The following SUPT7L variants were observed in gnomAD, a reference collection of about 807,000 sequenced individuals.
SUPT7L encodes SPT7 like, STAGA complex subunit gamma.
Under a neutral mutation model 35.7 loss-of-function variants are expected in SUPT7L, and 15 were observed. That is an observed-to-expected ratio of 0.42 (90% CI 0.28 to 0.65). The LOEUF (loss-of-function observed/expected upper bound fraction) is 0.65, where lower values mean the gene tolerates loss of function less well. SUPT7L is among the 30% of genes least tolerant of loss of function. SUPT7L has a pLI of 0.23. For synonymous variants in SUPT7L, 168 were observed against 186.2 expected, an observed-to-expected ratio of 0.90 and a Z score of 0.79; for missense variants, 434 against 522.2, an observed-to-expected ratio of 0.83 and a Z score of 1.65.
At chr2:27,642,958 T>TACACACACACACACACACAC in the SUPT7L span, among the ~76,000 whole-genome samples, 6 of 122,656 alleles carry the variant, frequency 4.9e-5, no homozygotes, top group South Asian at 5.6e-4. Context: ...TATATATATA[T>TACACACACACACACACACAC]ACACACACAC....
At position 27,653,320 on chromosome 2, in the gene SUPT7L, T is replaced by G. The variant is rs937404273; in HGVS notation, c.*165A>C. ...AAACTATAAAAACTGGATGCAAAAGTAAAATGCAACCTTGTTTGGTGACGT... is the reference window on the plus strand; with the variant it reads ...AAACTATAAAAACTGGATGCAAAAGGAAAATGCAACCTTGTTTGGTGACGT... On this transcript the variant is annotated 3_prime_UTR_variant, in exon 6 of 6. Transcript: ENST00000337768. The G allele has an allele frequency of 1.0e-4, 104 of 1,018,406 alleles. No individual in the cohort carries two copies. The highest frequency in any genetic ancestry group is 1.4e-4 in the Non-Finnish European group (100 of 716,344). The allele number at this position is 1,018,406 out of a possible 1,614,324, so 63.1% of individuals were successfully genotyped here.
At chr2:27,647,804 A>G, downstream of SUPT7L, 1 of 1,228,304 alleles carries the variant, frequency 8.1e-7, no homozygotes, top group Non-Finnish European at 1.2e-6. Context: ...CTTTTTGAGG[A>G]GGCATATCAC....
At chr2:27,645,866 A>C (rs1674202596), downstream of SUPT7L, among the ~76,000 whole-genome samples, 1 of 151,680 alleles carries the variant, frequency 6.6e-6, no homozygotes, top group Admixed American at 6.6e-5. Flanking sequence ...AGTAGCTGGA[A>C]CTAGAGGTGC....
downstream of SUPT7L, among the ~76,000 whole-genome samples, chr2:27,646,257 G>T (rs552973357): frequency 2.6e-5 from 4 of 152,244 alleles, no homozygotes; most frequent in Non-Finnish European, 5.9e-5. Flanking sequence ...GGCCAGGCTG[G>T]TCTTGAACTC....
the SUPT7L span, chr2:27,642,608 C>A: frequency 1.2e-6 from 1 of 813,376 alleles, no homozygotes; most frequent in Non-Finnish European, 2.0e-6. Context: ...CGGAGTTTCA[C>A]TCTTGTTGCC....
At chr2:27,647,584 G>A (rs1273129512), downstream of SUPT7L, among the ~76,000 whole-genome samples, 1 of 152,144 alleles carries the variant, frequency 6.6e-6, no homozygotes, top group Non-Finnish European at 1.5e-5. Context: ...AGTAAGACAA[G>A]CTTCTTGAAA....
Position 27,661,162 on chromosome 2 carries a change from C to G in SUPT7L, c.241G>C (p.Ala81Pro). The stretch of plus-strand genomic sequence containing the variant: ...TGCTGATTCTGGGCCTGAGCTGTGG[C>G]AATAAGGTTGCGAAGACGTCGGTTG... ...QHNRRLRNLI[A>P]TAQAQNQQQT... Residue 81 changes from alanine (A) to proline (P), a missense_variant, in exon 3 of 6, where the codon GCC (alanine) becomes CCC (proline). This residue lies in a region of SUPT7L where 77 missense variants were observed against 114.4 expected (regional missense o/e 0.67). Coordinates refer to ENST00000337768, the MANE Select transcript of SUPT7L (RefSeq NM_014860.3). The G allele has an allele frequency of 1.9e-6, 3 of 1,614,070 alleles. No homozygotes were observed. Among genetic ancestry groups the G allele is most frequent in the Non-Finnish European group, 2.5e-6 (3 of 1,180,036 alleles).
At chr2:27,655,939 C>T (rs902700622) in intron 4 of SUPT7L, among the ~76,000 whole-genome samples, 1 of 151,664 alleles carries the variant, frequency 6.6e-6, no homozygotes, top group African/African-American at 2.4e-5. Context: ...CATCCCAGTA[C>T]TTTGGGAGGC....
Position 27,663,438 on chromosome 2 carries a change from T to A in SUPT7L, c.-199A>T. 3.1e-6 allele frequency: 1 copy of A among 323,012 alleles called. No individual in the cohort carries two copies. Among genetic ancestry groups the A allele is most frequent in the South Asian group, 3.1e-5 (1 of 32,460 alleles). 20.0% of individuals were successfully genotyped at this position (323,012 alleles called of 1,614,324 possible). Reference sequence around the variant, plus strand: ...AGGCGCCAATCACAGGGTCCTGAGGTCGCCTGACGTTCAGGGCAGCCGGAA... The same window carrying A: ...AGGCGCCAATCACAGGGTCCTGAGGACGCCTGACGTTCAGGGCAGCCGGAA... On this transcript the variant is annotated 5_prime_UTR_variant, in exon 1 of 6. Coordinates refer to ENST00000337768, the MANE Select transcript of SUPT7L (RefSeq NM_014860.3).
chr2:27,655,696 G>A, intron 4 of SUPT7L, 94 bp from the exon 5 acceptor site: 1 of 1,078,588 alleles, frequency 9.3e-7, no homozygotes, highest in East Asian at 2.4e-5. Flanking sequence ...AACAGAACAT[G>A]AATAACAGAA....
At chr2:27,644,754 T>C in the SUPT7L span, among the ~76,000 whole-genome samples, 1 of 129,844 alleles carries the variant, frequency 7.7e-6, no homozygotes, top group Non-Finnish European at 1.6e-5. Flanking sequence ...ACAGATGAGG[T>C]CTGAGGCTGG....
intron 5 of SUPT7L, among the ~76,000 whole-genome samples, chr2:27,653,998 A>G (rs186771589): frequency 9.2e-5 from 14 of 151,786 alleles, no homozygotes; most frequent in African/African-American, 3.4e-4. Flanking sequence ...ACCCACCCCC[A>G]TTTCCCCTAA....
chr2:27,645,065 T>G, the SUPT7L span, among the ~76,000 whole-genome samples: 1 of 152,180 alleles, frequency 6.6e-6, no homozygotes, highest in African/African-American at 2.4e-5. Flanking sequence ...ACTACTGGGC[T>G]CAAGCATTCC....
chr2:27,644,706 GT>G, the SUPT7L span, among the ~76,000 whole-genome samples: 4 of 123,954 alleles, frequency 3.2e-5, no homozygotes, highest in Admixed American at 8.2e-5. Flanking sequence ...GCCTTAGTGA[GT>G]TTTTTTTTTG....
chr2:27,655,829 T>C lies in SUPT7L; in HGVS notation c.745-227A>G, dbSNP rs541746387. On this transcript the variant is annotated intron_variant, in intron 4 of 5. Transcript: ENST00000337768. ...GAATGTGTATGTCATTAATTAAAAG[T>C]TACATAAAGGTAAAAAAATGTGTTA... Among the ~76,000 whole-genome samples, 34 of 152,284 alleles carry C rather than the reference T, an allele frequency of 2.2e-4. No homozygotes were observed. The South Asian group carries it at 7.0e-3, about 32-fold the overall frequency.
intron 2 of SUPT7L, 54 bp from the exon 3 acceptor site, chr2:27,661,442 A>G (rs1269409232): frequency 6.2e-7 from 1 of 1,604,260 alleles, no homozygotes; most frequent in South Asian, 1.1e-5. Flanking sequence ...GTAGACAATA[A>G]CCTAAAAGTA....
chr2:27,662,039 G>T, intron 2 of SUPT7L, 140 bp downstream of exon 2: 3 of 1,129,546 alleles, frequency 2.7e-6, no homozygotes, highest in Non-Finnish European at 3.9e-6. Context: ...ATCTCTCTTT[G>T]TATGTCATCT....
chr2:27,648,491 G>A (rs1674354682), downstream of SUPT7L, among the ~76,000 whole-genome samples: 1 of 152,132 alleles, frequency 6.6e-6, no homozygotes, highest in Non-Finnish European at 1.5e-5. Flanking sequence ...AGAACTCCAG[G>A]CTGGGTGACA....
At chr2:27,642,956 TATAC>T in the SUPT7L span, among the ~76,000 whole-genome samples, 134 of 85,822 alleles carry the variant, frequency 1.6e-3, no homozygotes, top group East Asian at 7.4e-3. Flanking sequence ...TATATATATA[TATAC>T]ACACACACAC....
Sources: allele counts gnomAD v4.1 joint callset (sites outside exome capture counted in the v4.1 genomes callset), GRCh38; gene constraint gnomAD v4.1.1; regional missense constraint gnomAD v4.1.1; transcripts MANE v1.5; gene names NCBI Gene and HGNC (gene_info 2026-07-23, HGNC 2026-07-21).